Variants in FAM98A observed in about 807,000 individuals in gnomAD.
FAM98A encodes tRNA splicing ligase complex subunit 3A.
FAM98A carries 25 observed loss-of-function variants against 62.9 expected under a neutral mutation model. The observed-to-expected ratio is 0.40, with a 90% CI of 0.29 to 0.56. The LOEUF (loss-of-function observed/expected upper bound fraction) is 0.56, where lower values mean the gene tolerates loss of function less well. Among genes scored for constraint, FAM98A ranks in the 20% least tolerant of loss-of-function variants. FAM98A has a pLI of 0.51. For synonymous variants in FAM98A, 252 were observed against 228.6 expected (o/e 1.10, Z -0.92); for missense variants, 653 against 640.7 (o/e 1.02, Z -0.21).
At position 33,584,592 on chromosome 2, in the gene FAM98A, G is replaced by A. The variant is rs1024638149; in HGVS notation, c.*184C>T. On this transcript the variant is annotated 3_prime_UTR_variant, in exon 8 of 8. Coordinates refer to ENST00000238823, the MANE Select transcript of FAM98A (RefSeq NM_015475.5). ...GATGTTATGTGTTTCTCAAATAAAC[G>A]GCATTATGTAAGTCCAATAAAAAAA... The A allele has an allele frequency of 3.1e-5, 17 of 547,388 alleles. No individual in the cohort carries two copies. The highest frequency in any genetic ancestry group is 9.3e-5 in the African/African-American group (5 of 53,546). The allele number at this position is 547,388 out of a possible 1,614,324, so 33.9% of individuals were successfully genotyped here. A position where few individuals can be genotyped will look rare whatever the true frequency, so the allele number is the denominator to read the frequency against.
At chr2:33,594,433 G>A (rs1677743769) in intron 2 of FAM98A, among the ~76,000 whole-genome samples, 1 of 149,998 alleles carries the variant, frequency 6.7e-6, no homozygotes, top group Non-Finnish European at 1.5e-5. Context: ...TGAGGAGAGG[G>A]AACTCAGAGG....
intron 5 of FAM98A, 113 bp from the exon 6 acceptor site, chr2:33,586,791 G>C (rs758837280): frequency 3.0e-6 from 2 of 670,310 alleles, no homozygotes; most frequent in Non-Finnish European, 5.3e-6. Flanking sequence ...CCATTTAACA[G>C]TCAAAAGTTC....
chr2:33,586,437 T>G (rs1397910986), intron 6 of FAM98A, 125 bp downstream of exon 6: 7 of 599,220 alleles, frequency 1.2e-5, no homozygotes, highest in Non-Finnish European at 2.1e-5. Flanking sequence ...AATAACTCAC[T>G]AAGGAAAAAT....
At chr2:33,594,562 T>C (rs1476189516) in intron 2 of FAM98A, among the ~76,000 whole-genome samples, 1 of 10,590 alleles carries the variant, frequency 9.4e-5, no homozygotes, top group East Asian at 8.3e-4. Flanking sequence ...AAAAAAAAAT[T>C]ATATATATAT....
In FAM98A at chr2:33,592,083, G is replaced by T. The variant is rs762054890; in HGVS notation, c.334C>A (p.Leu112Ile). 6.4e-5 allele frequency: 103 copies of T among 1,612,502 alleles called. No homozygotes were observed. The highest frequency in any genetic ancestry group is 8.4e-5 in the Non-Finnish European group (99 of 1,179,060). The change falls in exon 3 of 8, where the codon CTC becomes ATC. Residue 112 changes from leucine (L) to isoleucine (I), a missense_variant. Transcript: ENST00000238823. ...LLIQKNCLLL[L>I]TYLISELEAA... is the part of the protein sequence containing the mutation. ...ATTCTAGTAGCCATGAACTTACTGA[G>T]CAAGAGGAGGCAGTTCTTCTGAATG...
rs112481222 is a variant in FAM98A, at chr2:33,590,277, G to A, written c.338-1758C>T. ...AAACAGAGTCCTTAATCTGATACAT[G>A]AGAGCTTTTCAGCCTCTCACTCAAA... On this transcript the variant is annotated intron_variant, in intron 3 of 7. Coordinates refer to ENST00000238823, the MANE Select transcript of FAM98A (RefSeq NM_015475.5). 9.9e-5 allele frequency among the ~76,000 whole-genome samples: 15 copies of A among 152,240 alleles called. 1 individual carries two copies. The highest frequency in any genetic ancestry group is 3.6e-4 in the African/African-American group (15 of 41,560).
At chr2:33,585,926 C>A (rs1401307395) in intron 6 of FAM98A, among the ~76,000 whole-genome samples, 2 of 152,090 alleles carry the variant, frequency 1.3e-5, no homozygotes, top group Non-Finnish European at 2.9e-5. Context: ...ACTGTGGGGG[C>A]AGGGGTGGAG....
intron 2 of FAM98A, among the ~76,000 whole-genome samples, chr2:33,593,220 G>A (rs987710891): frequency 6.6e-6 from 1 of 152,038 alleles, no homozygotes; most frequent in Non-Finnish European, 1.5e-5. Flanking sequence ...CCTGAGTAAC[G>A]TGGCAAAACC....
intron 3 of FAM98A, chr2:33,589,675 T>A (rs1677629177): frequency 6.6e-6 from 1 of 152,152 alleles, no homozygotes; most frequent in Admixed American, 6.6e-5. Flanking sequence ...CTTAACATGT[T>A]CCATACAGCA....
chr2:33,598,957 G>C (rs994136124), intron 1 of FAM98A, among the ~76,000 whole-genome samples: 2 of 152,116 alleles, frequency 1.3e-5, no homozygotes, highest in African/African-American at 4.8e-5. Context: ...AGGGAGCACT[G>C]GGCAGGCCTA....
intron 2 of FAM98A, 90 bp downstream of exon 2, chr2:33,595,399 C>A: frequency 8.7e-7 from 1 of 1,146,860 alleles, no homozygotes; most frequent in Non-Finnish European, 1.2e-6. Flanking sequence ...CAAAAACTTG[C>A]AACTTTCAGC....
chr2:33,592,361 A>G (rs1677690312), intron 2 of FAM98A, 147 bp from the exon 3 acceptor site: 1 of 660,558 alleles, frequency 1.5e-6, no homozygotes. Context: ...ACACCACTGC[A>G]AAGTTTCTTC....
intron 2 of FAM98A, among the ~76,000 whole-genome samples, chr2:33,593,731 T>C (rs915492427): frequency 2.6e-5 from 4 of 152,172 alleles, no homozygotes; most frequent in African/African-American, 9.7e-5. Context: ...CTGTGAGCCC[T>C]TGAGTTCCAC....
At chr2:33,592,302 T>C (rs13028004) in intron 2 of FAM98A, 88 bp from the exon 3 acceptor site, 54,041 of 1,090,292 alleles carry the variant, frequency 0.05, 2,412 homozygotes, top group African/African-American at 0.21. Context: ...AAATTGTTAA[T>C]AGGATTTTCA....
intron 3 of FAM98A, among the ~76,000 whole-genome samples, chr2:33,591,299 C>A (rs1677667005): frequency 6.6e-6 from 1 of 151,738 alleles, no homozygotes; most frequent in African/African-American, 2.4e-5. Context: ...TCTGAATTGT[C>A]TGTCATAATG....
At chr2:33,591,984 T>C in intron 3 of FAM98A, 96 bp downstream of exon 3, 2 of 1,085,822 alleles carry the variant, frequency 1.8e-6, no homozygotes, top group South Asian at 1.8e-5. Flanking sequence ...ATTACATTCA[T>C]AATGAAATAA....
At chr2:33,598,045 G>C (rs1179478874) in intron 1 of FAM98A, among the ~76,000 whole-genome samples, 1 of 152,182 alleles carries the variant, frequency 6.6e-6, no homozygotes, top group Non-Finnish European at 1.5e-5. Flanking sequence ...TAAAAATTCA[G>C]AGCAAGTTTC....
At chr2:33,587,419 G>C (rs1377277651) in intron 4 of FAM98A, 99 bp from the exon 5 acceptor site, 1 of 918,700 alleles carries the variant, frequency 1.1e-6, no homozygotes, top group Non-Finnish European at 1.8e-6. Flanking sequence ...GAAGATTCCT[G>C]ACAGAGGCAA....
At position 33,583,796 on chromosome 2, in the gene FAM98A, G is replaced by A. The variant is rs1677471012; in HGVS notation, c.*980C>T. On this transcript the variant is annotated 3_prime_UTR_variant, in exon 8 of 8. Transcript: ENST00000238823. ...ATGTCATGTAGATTTCAGTAAGGGA[G>A]AATGTAAAACATCAACTCAGCCAGG... The A allele has an allele frequency of 1.3e-5, 2 of 152,624 alleles. No homozygotes were observed. Among genetic ancestry groups the A allele is most frequent in the Admixed American group, 6.5e-5 (1 of 15,278 alleles). The allele number at this position is 152,624 out of a possible 1,614,324, so 9.5% of individuals were successfully genotyped here.
Sources: gnomAD v4.1 joint callset for allele counts (sites outside exome capture counted in the v4.1 genomes callset) on GRCh38, gnomAD v4.1.1 for gene constraint, MANE v1.5 for transcripts, NCBI Gene and HGNC (gene_info 2026-07-23, HGNC 2026-07-21) for gene names.